GALNT13: variants seen among roughly 807,000 people sequenced by gnomAD.
GALNT13 encodes UDP-GalNAc:polypeptide N-acetylgalactosaminyltransferase 13.
In GALNT13, 28 loss-of-function variants were observed where a neutral mutation model predicts 64.2. That is an observed-to-expected ratio of 0.44 (90% CI 0.32 to 0.60). The LOEUF is 0.60. GALNT13 is among the 20% of genes least tolerant of loss of function. The pLI, the probability that GALNT13 is intolerant of heterozygous loss-of-function variation, is 0.05. For missense variants in GALNT13, 577 were observed against 669.8 expected (o/e 0.86, Z 1.53); for synonymous variants, 214 against 224.6 (o/e 0.95, Z 0.42).
At chr2:153,987,068 G>C (rs982513190) in intron 3 of GALNT13, among the ~76,000 whole-genome samples, 1 of 151,854 alleles carries the variant, frequency 6.6e-6, no homozygotes, top group African/African-American at 2.4e-5. Context: ...TTGAACTTAG[G>C]AGCAAGGGAT....
the GALNT13 span, among the ~76,000 whole-genome samples, chr2:153,461,265 G>T: frequency 1.3e-5 from 2 of 152,124 alleles, no homozygotes; most frequent in Admixed American, 1.3e-4. Context: ...GGAAAAAAAG[G>T]AAAGAACTCA....
At chr2:154,382,316 G>T (rs990714675) in intron 9 of GALNT13, among the ~76,000 whole-genome samples, 1 of 152,124 alleles carries the variant, frequency 6.6e-6, no homozygotes, top group Middle Eastern at 3.4e-3. Flanking sequence ...GAATATTTTA[G>T]CATCACAATA....
the GALNT13 span, among the ~76,000 whole-genome samples, chr2:153,507,771 T>C: frequency 6.6e-6 from 1 of 152,180 alleles, no homozygotes; most frequent in Non-Finnish European, 1.5e-5. Context: ...AGAATTGTTA[T>C]TCTAGTTCCT....
the GALNT13 span, among the ~76,000 whole-genome samples, chr2:153,426,586 G>A: frequency 6.6e-6 from 1 of 152,010 alleles, no homozygotes; most frequent in East Asian, 1.9e-4. Flanking sequence ...TCACGTTCAT[G>A]TGCATATACT....
At position 154,040,912 on chromosome 2, in the gene GALNT13, C is replaced by T. The variant is rs1558925452; in HGVS notation, c.142+96273C>T. 2.2e-5 allele frequency among the ~76,000 whole-genome samples: 3 copies of T among 139,296 alleles called. 1 individual carries two copies. The Admixed American group carries it at 2.2e-4, about 10-fold the overall frequency. The allele number at this position is 139,296 out of a possible 152,430, so 91.4% of individuals were successfully genotyped here. ...TTATTATTCCTTAGATGCTCGAATC[C>T]TCCATACAATGTGGTACTTTTAAAG... On this transcript the variant is annotated intron_variant, in intron 3 of 12. Coordinates refer to ENST00000392825, the MANE Select transcript of GALNT13 (RefSeq NM_052917.4).
intron 4 of GALNT13, among the ~76,000 whole-genome samples, chr2:154,194,985 C>T (rs1686801697): frequency 6.6e-6 from 1 of 151,804 alleles, no homozygotes; most frequent in Non-Finnish European, 1.5e-5. Context: ...TTTTAAGCCC[C>T]ACGTGCATTA....
chr2:153,405,493 G>A, the GALNT13 span, among the ~76,000 whole-genome samples: 1 of 152,138 alleles, frequency 6.6e-6, no homozygotes, highest in Non-Finnish European at 1.5e-5. Flanking sequence ...GCAGAAGAAA[G>A]GCTCCACAGG....
chr2:154,319,755 A>T (rs1694523016), intron 9 of GALNT13, among the ~76,000 whole-genome samples: 2 of 152,176 alleles, frequency 1.3e-5, no homozygotes, highest in Non-Finnish European at 2.9e-5. Flanking sequence ...TATCAGTTAA[A>T]TTGAGCATTA....
chr2:153,944,731 C>A, intron 3 of GALNT13, 92 bp downstream of exon 3: 2 of 1,129,128 alleles, frequency 1.8e-6, no homozygotes, highest in Non-Finnish European at 2.5e-6. Context: ...AAGAGTTTTG[C>A]CTTAGTGAGT....
the GALNT13 span, among the ~76,000 whole-genome samples, chr2:153,854,671 G>A: frequency 6.6e-6 from 1 of 151,892 alleles, no homozygotes; most frequent in Admixed American, 6.6e-5. Flanking sequence ...ATAAGGCAAG[G>A]AAACATAATA....
At chr2:154,126,751 G>A (rs1048429457) in intron 3 of GALNT13, among the ~76,000 whole-genome samples, 3 of 152,130 alleles carry the variant, frequency 2.0e-5, no homozygotes, top group Non-Finnish European at 4.4e-5. Flanking sequence ...GTATATGTAT[G>A]TGGTTTTTGA....
chr2:153,509,388 T>G, the GALNT13 span, among the ~76,000 whole-genome samples: 1 of 152,244 alleles, frequency 6.6e-6, no homozygotes, highest in Non-Finnish European at 1.5e-5. Flanking sequence ...CCTCCCCTGC[T>G]GCAGCTGGAG....
the GALNT13 span, among the ~76,000 whole-genome samples, chr2:153,397,485 A>G: frequency 6.6e-6 from 1 of 152,054 alleles, no homozygotes; most frequent in Non-Finnish European, 1.5e-5. Flanking sequence ...ACGATCTGAT[A>G]TTTTCAGAGT....
At chr2:153,735,580 C>T in the GALNT13 span, among the ~76,000 whole-genome samples, 1 of 152,102 alleles carries the variant, frequency 6.6e-6, no homozygotes, top group Admixed American at 6.6e-5. Flanking sequence ...CTCAGGCTTC[C>T]CCAGTTGTCC....
chr2:153,686,559 C>G, the GALNT13 span, among the ~76,000 whole-genome samples: 1 of 151,946 alleles, frequency 6.6e-6, no homozygotes, highest in African/African-American at 2.4e-5. Context: ...ATGGGTTTTT[C>G]TAGATATAGG....
intron 3 of GALNT13, among the ~76,000 whole-genome samples, chr2:154,119,764 C>T (rs1681825818): frequency 6.6e-6 from 1 of 152,028 alleles, no homozygotes; most frequent in Non-Finnish European, 1.5e-5. Context: ...CTCTAGGATT[C>T]CTATCTGATT....
chr2:153,435,789 T>G, the GALNT13 span, among the ~76,000 whole-genome samples: 1 of 152,108 alleles, frequency 6.6e-6, no homozygotes, highest in Non-Finnish European at 1.5e-5. Context: ...ACAATTTGAC[T>G]TCCTCTTTTC....
chr2:153,424,983 T>C, the GALNT13 span, among the ~76,000 whole-genome samples: 1 of 151,854 alleles, frequency 6.6e-6, no homozygotes, highest in African/African-American at 2.4e-5. Flanking sequence ...CTCAAAAACA[T>C]ACAATGTTGA....
chr2:154,070,339 A>G (rs1410642845), intron 3 of GALNT13, among the ~76,000 whole-genome samples: 3 of 152,170 alleles, frequency 2.0e-5, no homozygotes, highest in Non-Finnish European at 4.4e-5. Flanking sequence ...TCCACATATT[A>G]TCAGTATCAA....
Sources: gnomAD v4.1 joint callset for allele counts (sites outside exome capture counted in the v4.1 genomes callset) on GRCh38, gnomAD v4.1.1 for gene constraint, MANE v1.5 for transcripts, NCBI Gene and HGNC (gene_info 2026-07-23, HGNC 2026-07-21) for gene names.